Variants in DNAJB13 observed in about 807,000 individuals in gnomAD.
The protein encoded by DNAJB13 is dnaJ homolog subfamily B member 13.
DNAJB13 carries 22 observed loss-of-function variants against 35.6 expected under a neutral mutation model. The observed-to-expected ratio is 0.62, with a 90% CI of 0.44 to 0.88. The LOEUF (loss-of-function observed/expected upper bound fraction) is 0.88. Ranked by LOEUF, DNAJB13 falls within the 40% of genes least tolerant of loss-of-function variation. DNAJB13 has a pLI of 0.00. For missense variants in DNAJB13, 370 were observed against 384.3 expected (o/e 0.96, Z 0.31); for synonymous variants, 136 against 144.2 (o/e 0.94, Z 0.41).
intron 3 of DNAJB13, among the ~76,000 whole-genome samples, chr11:73,960,728 T>C (rs2135310177): frequency 6.6e-6 from 1 of 152,392 alleles, no homozygotes; most frequent in South Asian, 2.1e-4. Flanking sequence ...GCTGTATTTA[T>C]TTTTACAGAA....
intron 3 of DNAJB13, among the ~76,000 whole-genome samples, chr11:73,960,740 C>T (rs17244699): frequency 6.6e-6 from 1 of 152,028 alleles, no homozygotes; most frequent in Admixed American, 6.6e-5. Context: ...TTTACAGAAG[C>T]CTTTTATTAA....
chr11:73,967,968 G>T (rs564165576), intron 5 of DNAJB13: 1 of 359,512 alleles, frequency 2.8e-6, no homozygotes, highest in East Asian at 4.5e-5. Flanking sequence ...CAGAGTTTTG[G>T]TGACTTAATG....
chr11:73,964,654 A>G, intron 3 of DNAJB13: 2 of 554,210 alleles, frequency 3.6e-6, no homozygotes, highest in Admixed American at 3.2e-5. Context: ...TAATCACTGC[A>G]TCTGCAGTTG....
In DNAJB13 at chr11:73,959,556, G is replaced by A. The variant is rs1369132448; in HGVS notation, c.235G>A (p.Glu79Lys). 6.2e-7 allele frequency: 1 copy of A among 1,614,128 alleles called. No homozygotes were observed. The highest frequency in any genetic ancestry group is 1.1e-5 in the South Asian group (1 of 91,082). ...EEGLKGGIPL[E>K]FGSQTPWTTG... is the part of the protein sequence containing the mutation. ...GGGCCTGAAGGGTGGGATTCCTTTG[G>A]AGTTTGGATCCCAGACCCCATGGAC... The change falls in exon 3 of 8, where the codon GAG (glutamate) becomes AAG (lysine). Residue 79 changes from glutamate to lysine, a missense_variant. Coordinates refer to ENST00000339764, the MANE Select transcript of DNAJB13 (RefSeq NM_153614.4).
intron 3 of DNAJB13, chr11:73,964,179 A>C (rs1951015448): frequency 6.5e-6 from 1 of 152,730 alleles, no homozygotes; most frequent in Non-Finnish European, 1.5e-5. Context: ...CAGAGCCAGG[A>C]TGGGGCTGTC....
At chr11:73,962,992 T>C (rs1460834545) in intron 3 of DNAJB13, among the ~76,000 whole-genome samples, 2 of 152,058 alleles carry the variant, frequency 1.3e-5, no homozygotes, top group African/African-American at 4.8e-5. Flanking sequence ...TCATTAAGGC[T>C]CAAGGGCTAT....
chr11:73,964,540 T>A, intron 3 of DNAJB13: 1 of 281,768 alleles, frequency 3.5e-6, no homozygotes, highest in Non-Finnish European at 6.8e-6. Flanking sequence ...ACAGCCAGAG[T>A]TACGGTATCC....
chr11:73,954,889 TG>T (rs1950698381), intron 1 of DNAJB13, among the ~76,000 whole-genome samples: 1 of 152,024 alleles, frequency 6.6e-6, no homozygotes, highest in Non-Finnish European at 1.5e-5. Flanking sequence ...AGGTGGAGGT[TG>T]CAGTGAACCA....
chr11:73,963,628 T>G (rs1950998447), intron 3 of DNAJB13: 1 of 152,248 alleles, frequency 6.6e-6, no homozygotes, highest in African/African-American at 2.4e-5. Flanking sequence ...GTTTACTGCC[T>G]GGTACACTGT....
chr11:73,969,395 G>T (rs941981734), intron 7 of DNAJB13, 73 bp downstream of exon 7: 5 of 836,156 alleles, frequency 6.0e-6, no homozygotes, highest in African/African-American at 1.6e-5. Flanking sequence ...AGTGTGACAG[G>T]TCTGCCCAGT....
chr11:73,952,906 T>C (rs1411383582), intron 1 of DNAJB13, among the ~76,000 whole-genome samples: 2 of 135,834 alleles, frequency 1.5e-5, no homozygotes, highest in Non-Finnish European at 3.3e-5. Context: ...CAGCAATCAT[T>C]TGCATGTGAA....
At chr11:73,954,000 AAAT>A (rs71467812) in intron 1 of DNAJB13, among the ~76,000 whole-genome samples, 21,425 of 136,220 alleles carry the variant, frequency 0.16, 1,739 homozygotes, top group Admixed American at 0.22. Context: ...AATAATAATA[AAAT>A]AATAATAATA....
intron 1 of DNAJB13, among the ~76,000 whole-genome samples, chr11:73,954,584 C>A (rs1159989703): frequency 1.4e-5 from 2 of 146,940 alleles, no homozygotes; most frequent in Admixed American, 1.4e-4. Flanking sequence ...GAGCCGAGAT[C>A]GCGCCACTGC....
In DNAJB13 at chr11:73,958,321, C is replaced by T; in HGVS notation, c.73C>T (p.Arg25Cys). The change falls in exon 2 of 8, where the codon CGC (arginine) becomes TGC (cysteine). Residue 25 changes from arginine (R) to cysteine (C), a missense_variant. Transcript: ENST00000339764. ...SEDAQIKQAY[R>C]RLALKHHPLK... ...TATTAATTCTCCCTCTTCCAGGTAC[C>T]GCAGACTCGCCCTTAAGCACCACCC... 6.2e-7 allele frequency: 1 copy of T among 1,614,016 alleles called. No homozygotes were observed. The highest frequency in any genetic ancestry group is 1.1e-5 in the South Asian group (1 of 91,076).
chr11:73,957,668 TG>T (rs1265661106), intron 1 of DNAJB13, among the ~76,000 whole-genome samples: 1 of 151,304 alleles, frequency 6.6e-6, no homozygotes, highest in Non-Finnish European at 1.5e-5. Flanking sequence ...GGAACAGAAG[TG>T]GGGAAAAAAT....
Position 73,964,808 on chromosome 11 carries a change from T to TGCGCGC in DNAJB13, c.335-69_335-68insCGCGCG, listed in dbSNP as rs760309852. ...GTGTGTGTGTGTGTGTGTGTGTGTGTGTGTGCGCGCGCGCGCATGTCTGGG... is the reference window on the plus strand; with the variant it reads ...GTGTGTGTGTGTGTGTGTGTGTGTGTGCGCGCGTGTGCGCGCGCGCGCATGTCTGGG... On this transcript the variant is annotated intron_variant, in intron 3 of 7. Coordinates refer to ENST00000339764, the MANE Select transcript of DNAJB13 (RefSeq NM_153614.4). 134 of 726,544 alleles carry TGCGCGC rather than the reference T, an allele frequency of 1.8e-4. No individual in the cohort carries two copies. The African/African-American group carries it at 2.4e-3, about 13-fold the overall frequency. The allele number at this position is 726,544 out of a possible 1,614,324, so 45.0% of individuals were successfully genotyped here.
At chr11:73,958,930 C>T (rs77238584) in intron 2 of DNAJB13, among the ~76,000 whole-genome samples, 5,120 of 152,262 alleles carry the variant, frequency 0.034, 283 homozygotes, top group African/African-American at 0.12. Context: ...TGATCCCCGC[C>T]CCGGCACCCA....
At chr11:73,958,985 A>C (rs1158199703) in intron 2 of DNAJB13, among the ~76,000 whole-genome samples, 1 of 152,222 alleles carries the variant, frequency 6.6e-6, no homozygotes, top group Admixed American at 6.5e-5. Flanking sequence ...CCTGGAGACT[A>C]ATCCTGGTTC....
chr11:73,955,978 C>G (rs1180485860), intron 1 of DNAJB13, among the ~76,000 whole-genome samples: 1 of 150,372 alleles, frequency 6.7e-6, no homozygotes, highest in Non-Finnish European at 1.5e-5. Flanking sequence ...GATCCAGCTT[C>G]CTGTCCGCAG....
Sources: gnomAD v4.1 joint callset for allele counts (sites outside exome capture counted in the v4.1 genomes callset) on GRCh38, gnomAD v4.1.1 for gene constraint, MANE v1.5 for transcripts, NCBI Gene and HGNC (gene_info 2026-07-23, HGNC 2026-07-21) for gene names.